Variants in KCNQ3 observed in about 807,000 individuals in gnomAD.
KCNQ3 encodes potassium voltage-gated channel subfamily KQT member 3.
In KCNQ3, 30 loss-of-function variants were observed where a neutral mutation model predicts 92.5. The ratio of observed to expected loss-of-function variants is 0.32; its 90% confidence interval spans 0.24 to 0.44. The LOEUF (loss-of-function observed/expected upper bound fraction) is 0.44, where lower values mean the gene tolerates loss of function less well. Ranked by LOEUF, KCNQ3 falls within the 20% of genes least tolerant of loss-of-function variation. The pLI, the probability that KCNQ3 is intolerant of heterozygous loss-of-function variation, is 1.00. For synonymous variants in KCNQ3, 450 were observed against 468.8 expected, an observed-to-expected ratio of 0.96 and a Z score of 0.52; for missense variants, 913 against 1,140.3, an observed-to-expected ratio of 0.80 and a Z score of 2.87.
chr8:132,384,751 T>A (rs1452152421), intron 1 of KCNQ3, among the ~76,000 whole-genome samples: 1 of 152,240 alleles, frequency 6.6e-6, no homozygotes, highest in East Asian at 1.9e-4. Context: ...TATATTAAAG[T>A]CACACAGTTT....
Position 132,234,338 on chromosome 8 carries a change from G to GTT in KCNQ3, c.387-48159_387-48158dup, listed in dbSNP as rs756218792. Reference sequence around the variant, plus strand: ...CTGTGCATAATTCTGTCCATGAAAAGTTTTTTTTTTTTTTTTTTTTTTTTT... The same window carrying GTT: ...CTGTGCATAATTCTGTCCATGAAAAGTTTTTTTTTTTTTTTTTTTTTTTTTTT... On this transcript the variant is annotated intron_variant, in intron 1 of 14. Transcript: ENST00000388996. Among the ~76,000 whole-genome samples, 267 of 85,658 alleles carry GTT rather than the reference G, an allele frequency of 3.1e-3. 13 individuals carry two copies. Among genetic ancestry groups the GTT allele is most frequent in the African/African-American group, 6.6e-3 (151 of 22,966 alleles). 56.2% of individuals were successfully genotyped at this position (85,658 alleles called of 152,430 possible).
intron 1 of KCNQ3, among the ~76,000 whole-genome samples, chr8:132,269,620 C>T (rs756125719): frequency 6.6e-5 from 10 of 150,698 alleles, no homozygotes; most frequent in East Asian, 1.9e-4. Context: ...TTGAAACAAC[C>T]GAGCCCCCTA....
intron 9 of KCNQ3, among the ~76,000 whole-genome samples, chr8:132,159,282 T>C (rs1471772059): frequency 6.6e-6 from 1 of 152,216 alleles, no homozygotes; most frequent in East Asian, 1.9e-4. Flanking sequence ...TTTTGTCTAC[T>C]TGATGTTTCG....
intron 2 of KCNQ3, 109 bp from the exon 3 acceptor site, chr8:132,184,476 G>C: frequency 9.0e-7 from 1 of 1,115,446 alleles, no homozygotes; most frequent in South Asian, 1.2e-5. Context: ...GCTGTTGCTG[G>C]TTGTCTGGTT....
chr8:132,289,284 C>T (rs945313578), intron 1 of KCNQ3, among the ~76,000 whole-genome samples: 1 of 152,170 alleles, frequency 6.6e-6, no homozygotes, highest in African/African-American at 2.4e-5. Flanking sequence ...ACTTCTCATA[C>T]ATCATTTATA....
chr8:132,325,971 A>G (rs1181765183), intron 1 of KCNQ3, among the ~76,000 whole-genome samples: 2 of 152,192 alleles, frequency 1.3e-5, no homozygotes, highest in Non-Finnish European at 2.9e-5. Context: ...TCGTATGTCG[A>G]ATGTAAAAGG....
intron 1 of KCNQ3, among the ~76,000 whole-genome samples, chr8:132,286,864 C>T (rs1816693174): frequency 2.0e-5 from 3 of 152,194 alleles, no homozygotes; most frequent in Admixed American, 6.5e-5. Context: ...TCCCATCCCA[C>T]CCATGAGAGT....
chr8:132,143,852 G>A (rs1393873692), intron 9 of KCNQ3, among the ~76,000 whole-genome samples: 1 of 152,084 alleles, frequency 6.6e-6, no homozygotes, highest in Non-Finnish European at 1.5e-5. Flanking sequence ...GAACTGAAAT[G>A]AGTTTGGGAG....
intron 1 of KCNQ3, among the ~76,000 whole-genome samples, chr8:132,218,132 A>G (rs1586837174): frequency 6.6e-6 from 1 of 152,122 alleles, no homozygotes; most frequent in East Asian, 1.9e-4. Flanking sequence ...CCTTGCCTGT[A>G]CCCCACGGAG....
At chr8:132,131,924 C>T (rs762242439) in intron 14 of KCNQ3, among the ~76,000 whole-genome samples, 3 of 151,992 alleles carry the variant, frequency 2.0e-5, no homozygotes, top group Non-Finnish European at 4.4e-5. Context: ...CCCATCTCTA[C>T]TAAAAATACA....
intron 1 of KCNQ3, among the ~76,000 whole-genome samples, chr8:132,392,162 G>C (rs2673590): frequency 6.6e-6 from 1 of 151,932 alleles, no homozygotes; most frequent in Admixed American, 6.5e-5. Flanking sequence ...CCTAAATTGA[G>C]TCACTTTCTT....
intron 1 of KCNQ3, among the ~76,000 whole-genome samples, chr8:132,429,773 A>AT (rs931063551): frequency 6.6e-6 from 1 of 150,906 alleles, no homozygotes; most frequent in Non-Finnish European, 1.5e-5. Flanking sequence ...AGGCAGGAGA[A>AT]TCCCTTGAAC....
At chr8:132,230,640 T>C (rs1432006229) in intron 1 of KCNQ3, among the ~76,000 whole-genome samples, 1 of 152,284 alleles carries the variant, frequency 6.6e-6, no homozygotes, top group African/African-American at 2.4e-5. Context: ...AACTAAGCAA[T>C]GTAAAGACAT....
At chr8:132,272,624 G>T (rs1435973368) in intron 1 of KCNQ3, among the ~76,000 whole-genome samples, 2 of 152,168 alleles carry the variant, frequency 1.3e-5, no homozygotes, top group Non-Finnish European at 2.9e-5. Context: ...ACATGGATGG[G>T]GGCAGGCAAA....
chr8:132,237,506 T>C (rs1814855424), intron 1 of KCNQ3, among the ~76,000 whole-genome samples: 1 of 152,182 alleles, frequency 6.6e-6, no homozygotes, highest in East Asian at 1.9e-4. Flanking sequence ...TAACTCAGAA[T>C]CCATCTGGCC....
chr8:132,349,669 G>A (rs538985243), intron 1 of KCNQ3, among the ~76,000 whole-genome samples: 126 of 152,346 alleles, frequency 8.3e-4, no homozygotes, highest in African/African-American at 2.8e-3. Context: ...AACAGATTCA[G>A]CCCAGGAGAC....
In KCNQ3 at chr8:132,274,496, T is replaced by C. The variant is rs146952943; in HGVS notation, c.387-88315A>G. Among the ~76,000 whole-genome samples, 565 of 152,328 alleles carry C rather than the reference T, an allele frequency of 3.7e-3. 5 individuals are homozygous for C. Among genetic ancestry groups the C allele is most frequent in the African/African-American group, 0.013 (523 of 41,574 alleles). ...CATATCAGTTTCTTTATATGCTAAATGAGAATATGTACTCTCTAACAGGGT... is the reference window on the plus strand; with the variant it reads ...CATATCAGTTTCTTTATATGCTAAACGAGAATATGTACTCTCTAACAGGGT... On this transcript the variant is annotated intron_variant, in intron 1 of 14. Transcript: ENST00000388996.
At chr8:132,307,238 A>G (rs1465520232) in intron 1 of KCNQ3, among the ~76,000 whole-genome samples, 1 of 152,246 alleles carries the variant, frequency 6.6e-6, no homozygotes, top group East Asian at 1.9e-4. Flanking sequence ...CCTGTGTTCC[A>G]CAGTGACACC....
At chr8:132,335,237 C>A (rs1818336185) in intron 1 of KCNQ3, among the ~76,000 whole-genome samples, 1 of 152,040 alleles carries the variant, frequency 6.6e-6, no homozygotes, top group African/African-American at 2.4e-5. Context: ...GATGGGGTTT[C>A]ACCACGGTGG....
Sources: allele counts gnomAD v4.1 joint callset (sites outside exome capture counted in the v4.1 genomes callset), GRCh38; gene constraint gnomAD v4.1.1; transcripts MANE v1.5; gene names NCBI Gene and HGNC (gene_info 2026-07-23, HGNC 2026-07-21).